The following FBRSL1 variants were observed in gnomAD, a reference collection of about 807,000 sequenced individuals.
The protein encoded by FBRSL1 is fibrosin like 1.
Under a neutral mutation model 89.6 loss-of-function variants are expected in FBRSL1, and 51 were observed. That is an observed-to-expected ratio of 0.57 (90% CI 0.45 to 0.72). FBRSL1 has a LOEUF of 0.72. Among genes scored for constraint, FBRSL1 ranks in the 30% least tolerant of loss-of-function variants. FBRSL1 has a pLI of 0.00. For synonymous variants in FBRSL1, 779 were observed against 681.1 expected (o/e 1.14, Z -2.24); for missense variants, 1,618 against 1,451.8 (o/e 1.11, Z -1.86).
In FBRSL1 at chr12:132,508,236, C is replaced by G. The variant is rs949841268; in HGVS notation, c.375C>G (p.Cys125Trp). Reference sequence around the variant, plus strand: ...AGAAGCCCCGGGAGTCGGAAACCTGCCCCCCTGCGGAGCCCAGTGAGAACA... The same window carrying G: ...AGAAGCCCCGGGAGTCGGAAACCTGGCCCCCTGCGGAGCCCAGTGAGAACA... ...LIKKPRESET[C>W]PPAEPSENRR... Residue 125 changes from cysteine (C) to tryptophan (W), a missense_variant, in exon 2 of 19, where the codon TGC becomes TGG. By Grantham distance (215) the Cys-to-Trp change is radical. Coordinates refer to ENST00000680143, the MANE Select transcript of FBRSL1 (RefSeq NM_001367871.1). The G allele has an allele frequency of 1.3e-6, 2 of 1,550,994 alleles. No individual in the cohort carries two copies. Among genetic ancestry groups the G allele is most frequent in the Admixed American group, 2.0e-5 (1 of 50,996 alleles).
intron 4 of FBRSL1, among the ~76,000 whole-genome samples, chr12:132,534,349 C>T (rs949551639): frequency 6.6e-6 from 1 of 152,268 alleles, no homozygotes; most frequent in East Asian, 1.9e-4. Context: ...TCATCTGACT[C>T]CTCCACCTGT....
In FBRSL1 at chr12:132,583,638, C is replaced by T; in HGVS notation, c.2869C>T (p.Pro957Ser). The change falls in exon 19 of 19, where the codon CCC (proline) becomes TCC (serine). Residue 957 changes from proline to serine, a missense_variant. Physicochemically the swap from Pro to Ser is moderately conservative, Grantham distance 74. Coordinates refer to ENST00000680143, the MANE Select transcript of FBRSL1 (RefSeq NM_001367871.1). ...PPAAAALGAPPPLVTAAGPPT... is the reference protein window; with the variant it reads ...PPAAAALGAPSPLVTAAGPPT... Reference sequence around the variant, plus strand: ...CGCCGCCGCCGCCCTCGGCGCACCGCCCCCCCTGGTGACGGCGGCCGGGCC... The same window carrying T: ...CGCCGCCGCCGCCCTCGGCGCACCGTCCCCCCTGGTGACGGCGGCCGGGCC... The T allele has an allele frequency of 1.9e-5, 19 of 1,004,830 alleles. No homozygotes were observed. Among genetic ancestry groups the T allele is most frequent in the African/African-American group, 3.5e-5 (2 of 57,114 alleles). The allele number at this position is 1,004,830 out of a possible 1,614,324, so 62.2% of individuals were successfully genotyped here. A position where few individuals can be genotyped will look rare whatever the true frequency, so the allele number is the denominator to read the frequency against.
intron 5 of FBRSL1, among the ~76,000 whole-genome samples, chr12:132,560,656 C>G (rs571169673): frequency 6.6e-6 from 1 of 152,300 alleles, no homozygotes; most frequent in Admixed American, 6.5e-5. Flanking sequence ...GGGTCGGGTC[C>G]TCGCAGACAA....
chr12:132,571,774 C>T, intron 9 of FBRSL1: 1 of 344,288 alleles, frequency 2.9e-6, no homozygotes. Context: ...GTGCATGGGA[C>T]ACCCTCACGC....
intron 1 of FBRSL1, among the ~76,000 whole-genome samples, chr12:132,500,958 C>G (rs1249013619): frequency 2.0e-5 from 3 of 152,258 alleles, no homozygotes; most frequent in African/African-American, 7.2e-5. Flanking sequence ...CCTCACTCGC[C>G]TGCCCCTCAC....
rs559266665 is a variant in FBRSL1 at position 132,560,404 on chromosome 12, G to T, written c.646-7077G>T. Among the ~76,000 whole-genome samples, 993 of 151,836 alleles carry T rather than the reference G, an allele frequency of 6.5e-3. 3 individuals carry two copies. Among genetic ancestry groups the T allele is most frequent in the Non-Finnish European group, 0.011 (780 of 67,932 alleles). On this transcript the variant is annotated intron_variant, in intron 5 of 18. Transcript: ENST00000680143. The stretch of plus-strand genomic sequence containing the variant: ...GCGTCCTCCCGGGGGCGCACGTGGC[G>T]GCGGGCGGGCGGGGGTGCGGCGCGG...
At chr12:132,502,600 G>T (rs1009141568) in intron 1 of FBRSL1, among the ~76,000 whole-genome samples, 1 of 152,150 alleles carries the variant, frequency 6.6e-6, no homozygotes, top group Admixed American at 6.5e-5. Flanking sequence ...CCTATCAGAC[G>T]GTTCTCCAGG....
chr12:132,571,630 G>A (rs2040018491), intron 9 of FBRSL1: 1 of 822,942 alleles, frequency 1.2e-6, no homozygotes. Context: ...CCAGGAGGAG[G>A]TGGGGGGCCG....
At position 132,546,491 on chromosome 12, in the gene FBRSL1, C is replaced by T. The variant is rs898774777; in HGVS notation, c.616-1512C>T. Among the ~76,000 whole-genome samples the T allele has an allele frequency of 1.3e-5, 2 of 152,100 alleles. No homozygotes were observed. The highest frequency in any genetic ancestry group is 2.9e-5 in the Non-Finnish European group (2 of 67,982). On this transcript the variant is annotated intron_variant, in intron 4 of 18. Transcript: ENST00000680143. The surrounding 1 kb of genome is among the most constrained non-coding windows in gnomAD (Gnocchi z 4.0). The stretch of plus-strand genomic sequence containing the variant: ...GGAACCCTAGGAGAGGGCTTGGCCA[C>T]GGCTGAAAGGCCAGACCGGGGGGAC...
intron 4 of FBRSL1, among the ~76,000 whole-genome samples, chr12:132,544,589 G>A (rs2037526596): frequency 6.6e-6 from 1 of 152,136 alleles, no homozygotes; most frequent in Admixed American, 6.5e-5. Context: ...TGACCTGATG[G>A]TAACGACAGT....
At chr12:132,575,323 G>C (rs1244886163) in intron 14 of FBRSL1, among the ~76,000 whole-genome samples, 1 of 152,206 alleles carries the variant, frequency 6.6e-6, no homozygotes. Flanking sequence ...CGCCTCCCGG[G>C]TTCACGCCAT....
intron 15 of FBRSL1, among the ~76,000 whole-genome samples, chr12:132,580,380 G>A (rs1019259061): frequency 7.9e-5 from 12 of 152,180 alleles, no homozygotes; most frequent in Non-Finnish European, 1.8e-4. Context: ...GAGCCACTGC[G>A]CCCGGCCAAT....
chr12:132,577,561 G>A lies in FBRSL1; in HGVS notation c.1834+630G>A, dbSNP rs551594718. On this transcript the variant is annotated intron_variant, in intron 15 of 18. Transcript: ENST00000680143. The stretch of plus-strand genomic sequence containing the variant: ...TGGCCTGTACTGTCCTCAGTAGCAC[G>A]GCCCAGGGTGGGATCTGCCGGGAGC... Among the ~76,000 whole-genome samples the A allele has an allele frequency of 1.1e-4, 17 of 152,096 alleles. No homozygotes were observed. In the South Asian group the frequency reaches 1.9e-3, roughly 17 times the overall value.
At chr12:132,521,759 T>C (rs2136858104) in intron 2 of FBRSL1, among the ~76,000 whole-genome samples, 1 of 152,326 alleles carries the variant, frequency 6.6e-6, no homozygotes, top group Non-Finnish European at 1.5e-5. Context: ...ATTCCCACCG[T>C]GCCGTATGTA....
intron 2 of FBRSL1, among the ~76,000 whole-genome samples, chr12:132,520,332 G>T (rs964654441): frequency 6.6e-6 from 1 of 152,072 alleles, no homozygotes; most frequent in African/African-American, 2.4e-5. Context: ...TGTCTGGGAC[G>T]CTCCCCAGGG....
intron 2 of FBRSL1, chr12:132,511,126 G>T (rs866819957): frequency 2.0e-6 from 2 of 985,370 alleles, no homozygotes; most frequent in African/African-American, 3.5e-5. Flanking sequence ...GGGCCCCCAA[G>T]CTACAGGGGG....
At chr12:132,571,047 C>T (rs2039977083) in intron 8 of FBRSL1, 21 bp from the exon 9 acceptor site, 5 of 1,313,250 alleles carry the variant, frequency 3.8e-6, no homozygotes, top group East Asian at 2.9e-5. Flanking sequence ...AGGGGCTCAC[C>T]GTGTTCTCTC....
intron 2 of FBRSL1, among the ~76,000 whole-genome samples, chr12:132,508,592 TG>T (rs2033965304): frequency 6.6e-6 from 1 of 152,176 alleles, no homozygotes; most frequent in Non-Finnish European, 1.5e-5. Context: ...GGTGCCTGTC[TG>T]GGGCAGCAAG....
At chr12:132,506,191 G>T (rs1043407768) in intron 1 of FBRSL1, among the ~76,000 whole-genome samples, 1 of 152,106 alleles carries the variant, frequency 6.6e-6, no homozygotes, top group African/African-American at 2.4e-5. Context: ...TGGTGTGACT[G>T]TGGCCGGGGT....
Sources: gnomAD v4.1 joint callset for allele counts (sites outside exome capture counted in the v4.1 genomes callset) on GRCh38, gnomAD v4.1.1 for gene constraint, Gnocchi (gnomAD v3.1) non-coding constraint, MANE v1.5 for transcripts, NCBI Gene and HGNC (gene_info 2026-07-23, HGNC 2026-07-21) for gene names.